Variants in NOVA1 observed in about 807,000 individuals in gnomAD.
NOVA1 encodes the protein NOVA alternative splicing regulator 1, also known as RNA-binding protein Nova-1.
NOVA1 carries 7 observed loss-of-function variants against 38.0 expected under a neutral mutation model. That is an observed-to-expected ratio of 0.18 (90% confidence interval 0.10 to 0.35). The LOEUF (loss-of-function observed/expected upper bound fraction) is 0.35. NOVA1 is among the 10% of genes least tolerant of loss of function. The pLI, the probability that NOVA1 is intolerant of heterozygous loss-of-function variation, is 1.00. For synonymous variants in NOVA1, 270 were observed against 232.5 expected, an observed-to-expected ratio of 1.16 and a Z score of -1.47; for missense variants, 460 against 616.0, an observed-to-expected ratio of 0.75 and a Z score of 2.68.
At chr14:26,539,361 CCAA>C (rs1208939223) in intron 2 of NOVA1, among the ~76,000 whole-genome samples, 1 of 152,066 alleles carries the variant, frequency 6.6e-6, no homozygotes, top group Non-Finnish European at 1.5e-5. Flanking sequence ...GCAACACACA[CCAA>C]CGTTAATATA....
intron 2 of NOVA1, among the ~76,000 whole-genome samples, chr14:26,586,187 C>T (rs1893504908): frequency 6.6e-6 from 1 of 151,238 alleles, no homozygotes; most frequent in Non-Finnish European, 1.5e-5. Context: ...TAATTTAACA[C>T]TGTAGAAGGA....
chr14:26,479,345 C>A (rs1319857639), intron 3 of NOVA1: 1 of 151,974 alleles, frequency 6.6e-6, no homozygotes, highest in East Asian at 1.9e-4. Flanking sequence ...ATCTTAAAAA[C>A]TCACATCAGT....
intron 4 of NOVA1, among the ~76,000 whole-genome samples, chr14:26,471,123 A>G (rs1379216871): frequency 1.3e-5 from 2 of 152,050 alleles, no homozygotes; most frequent in Non-Finnish European, 2.9e-5. Flanking sequence ...GGGCCTAAAA[A>G]TGTTTGCATT....
chr14:26,510,778 A>T (rs936879802), intron 2 of NOVA1, among the ~76,000 whole-genome samples: 2 of 152,170 alleles, frequency 1.3e-5, no homozygotes, highest in African/African-American at 4.8e-5. Context: ...CTTCACTCAA[A>T]CATAAAATTA....
chr14:26,467,106 A>G (rs1349037344), intron 4 of NOVA1, among the ~76,000 whole-genome samples: 1 of 152,222 alleles, frequency 6.6e-6, no homozygotes, highest in East Asian at 1.9e-4. Context: ...GACTCAGAAG[A>G]ATTCCCAAGT....
At chr14:26,596,500 G>T in intron 1 of NOVA1, 1 of 1,247,194 alleles carries the variant, frequency 8.0e-7, no homozygotes, top group Non-Finnish European at 1.1e-6. Context: ...GTGAATGAAT[G>T]TTCCAAATGT....
Position 26,563,151 on chromosome 14 carries a change from C to T in NOVA1, c.280+32259G>A, listed in dbSNP as rs186924416. Among the ~76,000 whole-genome samples, 190 of 151,680 alleles carry T rather than the reference C, an allele frequency of 1.3e-3. 1 individual carries two copies. The highest frequency in any genetic ancestry group is 4.2e-3 in the African/African-American group (174 of 41,376). ...ACATTAAGCCAAAGCTTTGACAAAACGTCTCCAACACAAAAGACTAAAACC... is the reference window on the plus strand; with the variant it reads ...ACATTAAGCCAAAGCTTTGACAAAATGTCTCCAACACAAAAGACTAAAACC... On this transcript the variant is annotated intron_variant, in intron 2 of 4. Transcript: ENST00000539517.
chr14:26,595,029 C>A (rs1218411029), intron 2 of NOVA1, among the ~76,000 whole-genome samples: 1 of 152,048 alleles, frequency 6.6e-6, no homozygotes, highest in Admixed American at 6.6e-5. Flanking sequence ...CCTCCCTACC[C>A]CCCTCTTCTG....
chr14:26,481,988 T>TAAAAAAAAAAAAAAAAAAAAAAAAAAA (rs372806170), intron 2 of NOVA1, among the ~76,000 whole-genome samples: 2 of 105,986 alleles, frequency 1.9e-5, no homozygotes, highest in African/African-American at 1.0e-4. Flanking sequence ...TAGATAGAGA[T>TAAAAAAAAAAAAAAAAAAAAAAAAAAA]AAAAAAAAAA....
intron 2 of NOVA1, among the ~76,000 whole-genome samples, chr14:26,587,305 A>ATT (rs1264419735): frequency 6.3e-5 from 7 of 110,894 alleles, no homozygotes; most frequent in African/African-American, 1.8e-4. Context: ...GATCTAAAAT[A>ATT]TATAAAAAAA....
At chr14:26,583,468 A>T (rs1043971236) in intron 2 of NOVA1, among the ~76,000 whole-genome samples, 11 of 151,366 alleles carry the variant, frequency 7.3e-5, no homozygotes, top group African/African-American at 2.7e-4. Flanking sequence ...GCACTTAAAT[A>T]AAGATTACAC....
At chr14:26,591,255 T>C (rs929266240) in intron 2 of NOVA1, among the ~76,000 whole-genome samples, 6 of 151,680 alleles carry the variant, frequency 4.0e-5, no homozygotes, top group East Asian at 1.9e-4. Context: ...AGATAAAAGA[T>C]AAAAGTAACC....
At chr14:26,585,170 A>T (rs2138785463) in intron 2 of NOVA1, among the ~76,000 whole-genome samples, 2 of 151,492 alleles carry the variant, frequency 1.3e-5, no homozygotes, top group East Asian at 3.9e-4. Context: ...TACAAGAAAA[A>T]CACTCTTATT....
chr14:26,456,689 G>A (rs1200712004), intron 4 of NOVA1, among the ~76,000 whole-genome samples: 2 of 151,626 alleles, frequency 1.3e-5, no homozygotes, highest in Non-Finnish European at 1.5e-5. Context: ...TTTTGAAATG[G>A]GTATCATCTT....
intron 2 of NOVA1, among the ~76,000 whole-genome samples, chr14:26,533,632 C>T (rs1889874044): frequency 6.6e-6 from 1 of 152,098 alleles, no homozygotes; most frequent in African/African-American, 2.4e-5. Context: ...TGCCTGTATT[C>T]ATGAGGAAAT....
chr14:26,595,574 T>C (rs752289639), intron 1 of NOVA1, 21 bp from the exon 2 acceptor site: 39 of 1,609,390 alleles, frequency 2.4e-5, no homozygotes, highest in Middle Eastern at 1.7e-4. Flanking sequence ...CAAAGAAATA[T>C]ACTCGGTTAA....
chr14:26,545,068 A>C (rs1051758099), intron 2 of NOVA1, among the ~76,000 whole-genome samples: 2 of 152,140 alleles, frequency 1.3e-5, no homozygotes, highest in African/African-American at 4.8e-5. Context: ...TAGGGAACAC[A>C]TCTACTTATA....
chr14:26,584,377 A>C (rs1033575870), intron 2 of NOVA1, among the ~76,000 whole-genome samples: 2 of 151,490 alleles, frequency 1.3e-5, no homozygotes, highest in African/African-American at 4.8e-5. Flanking sequence ...CCAGACTATA[A>C]GTGTCACTAT....
intron 4 of NOVA1, among the ~76,000 whole-genome samples, chr14:26,466,506 G>C (rs1884151830): frequency 6.6e-6 from 1 of 152,100 alleles, no homozygotes; most frequent in Non-Finnish European, 1.5e-5. Flanking sequence ...GTTATGTGGG[G>C]CCTGAAGCAT....
Sources: gnomAD v4.1 joint callset for allele counts (sites outside exome capture counted in the v4.1 genomes callset) on GRCh38, gnomAD v4.1.1 for gene constraint, MANE v1.5 for transcripts, NCBI Gene and HGNC (gene_info 2026-07-23, HGNC 2026-07-21) for gene names.